LRRTM4: variants seen among roughly 807,000 people sequenced by gnomAD.
LRRTM4 encodes leucine-rich repeat transmembrane neuronal protein 4.
LRRTM4 carries 25 observed loss-of-function variants against 47.6 expected under a neutral mutation model. The ratio of observed to expected loss-of-function variants is 0.53; its 90% CI spans 0.38 to 0.73. The LOEUF (loss-of-function observed/expected upper bound fraction) is 0.73. LRRTM4 is among the 30% of genes least tolerant of loss of function. The pLI, the probability that LRRTM4 is intolerant of heterozygous loss-of-function variation, is 0.00. For missense variants in LRRTM4, 638 were observed against 713.4 expected (o/e 0.89, Z 1.20); for synonymous variants, 311 against 269.5 (o/e 1.15, Z -1.51).
intron 3 of LRRTM4, among the ~76,000 whole-genome samples, chr2:76,831,331 G>A (rs1193247680): frequency 2.0e-5 from 3 of 152,166 alleles, no homozygotes; most frequent in African/African-American, 7.2e-5. Flanking sequence ...TCATTGGTGT[G>A]TGTGCGTGTG....
intron 3 of LRRTM4, among the ~76,000 whole-genome samples, chr2:76,805,971 A>G (rs1675944471): frequency 6.6e-6 from 1 of 152,184 alleles, no homozygotes; most frequent in African/African-American, 2.4e-5. Flanking sequence ...AAGGACCACA[A>G]GAACCCTAGG....
intron 3 of LRRTM4, among the ~76,000 whole-genome samples, chr2:77,162,025 G>C (rs1031603445): frequency 4.6e-5 from 7 of 152,080 alleles, no homozygotes; most frequent in Admixed American, 2.0e-4. Context: ...ACTGAGGCTT[G>C]TCAGACAGTG....
Position 77,306,894 on chromosome 2 carries a change from CAT to C in LRRTM4, c.1551+211422_1551+211423del, listed in dbSNP as rs1491143898. 2.9e-3 allele frequency among the ~76,000 whole-genome samples: 390 copies of C among 133,204 alleles called. 6 individuals are homozygous for C. The highest frequency in any genetic ancestry group is 0.012 in the African/African-American group (355 of 29,208). The allele number at this position is 133,204 out of a possible 152,430, so 87.4% of individuals were successfully genotyped here. The stretch of plus-strand genomic sequence containing the variant: ...CTAAAATAGCTATATACTGCTTTTC[CAT>C]ATTTTTTTTTTTTTTTTTTTTGAGA... On this transcript the variant is annotated intron_variant, in intron 3 of 3. Transcript: ENST00000409884.
chr2:76,999,449 C>T (rs116502270), intron 3 of LRRTM4, among the ~76,000 whole-genome samples: 1 of 140,562 alleles, frequency 7.1e-6, no homozygotes, highest in Admixed American at 7.1e-5. Context: ...GGAAACAAAA[C>T]AAAAAAAAAA....
At chr2:77,083,526 C>T (rs892594496) in intron 3 of LRRTM4, among the ~76,000 whole-genome samples, 6 of 152,080 alleles carry the variant, frequency 3.9e-5, no homozygotes, top group African/African-American at 7.2e-5. Flanking sequence ...ATTAGCTACA[C>T]AGCAATGAAA....
At chr2:76,864,359 T>C (rs1218937808) in intron 3 of LRRTM4, among the ~76,000 whole-genome samples, 3 of 152,072 alleles carry the variant, frequency 2.0e-5, no homozygotes, top group Non-Finnish European at 4.4e-5. Context: ...TGTTAGGAAT[T>C]TTAAAGAAAT....
chr2:77,060,257 T>C (rs1381698012), intron 3 of LRRTM4, among the ~76,000 whole-genome samples: 3 of 152,194 alleles, frequency 2.0e-5, no homozygotes, highest in Admixed American at 6.5e-5. Flanking sequence ...ACTTAGATAG[T>C]TATTGATGAA....
In LRRTM4 at chr2:77,137,305, G is replaced by C. The variant is rs560068294; in HGVS notation, c.1551+381013C>G. Among the ~76,000 whole-genome samples the C allele has an allele frequency of 2.6e-5, 4 of 152,032 alleles. No individual in the cohort carries two copies. In the East Asian group the frequency reaches 7.7e-4, roughly 29 times the overall value. ...GCAGAAACTCTACAAGCCAGAAAGA[G>C]TGGGGGCCAATATTCAGCATTCTTA... On this transcript the variant is annotated intron_variant, in intron 3 of 3. Coordinates refer to ENST00000409884, the MANE Select transcript of LRRTM4 (RefSeq NM_001134745.3).
intron 3 of LRRTM4, among the ~76,000 whole-genome samples, chr2:77,292,096 A>G (rs1269837465): frequency 1.3e-5 from 2 of 152,078 alleles, no homozygotes; most frequent in African/African-American, 2.4e-5. Flanking sequence ...ACATGAAAAA[A>G]TGCTCACCAT....
intron 3 of LRRTM4, among the ~76,000 whole-genome samples, chr2:77,365,698 A>G (rs984838545): frequency 1.3e-5 from 2 of 151,522 alleles, no homozygotes; most frequent in African/African-American, 4.8e-5. Context: ...ATGGAATACT[A>G]TGATGCCATT....
At position 77,521,652 on chromosome 2, in the gene LRRTM4, A is replaced by G; in HGVS notation, c.4+16T>C. On this transcript the variant is annotated intron_variant, in intron 2 of 3. Coordinates refer to ENST00000409884, the MANE Select transcript of LRRTM4 (RefSeq NM_001134745.3). Reference sequence around the variant, plus strand: ...GATCAGCTTTGCTCAGAAGGAAACAACAAAAGTTCACTTACCCATCCTTTG... The same window carrying G: ...GATCAGCTTTGCTCAGAAGGAAACAGCAAAAGTTCACTTACCCATCCTTTG... The G allele has an allele frequency of 6.2e-7, 1 of 1,612,408 alleles. No individual in the cohort carries two copies. The highest frequency in any genetic ancestry group is 1.1e-5 in the South Asian group (1 of 91,022).
chr2:77,398,687 C>T (rs950495923), intron 3 of LRRTM4, among the ~76,000 whole-genome samples: 2 of 151,960 alleles, frequency 1.3e-5, no homozygotes, highest in East Asian at 1.9e-4. Context: ...ATCCACCTTA[C>T]AGCAGTAACT....
intron 3 of LRRTM4, among the ~76,000 whole-genome samples, chr2:77,484,426 T>A (rs1677834631): frequency 6.6e-6 from 1 of 152,252 alleles, no homozygotes; most frequent in South Asian, 2.1e-4. Context: ...TAGTGGTCTG[T>A]ATTTAAAGGA....
At chr2:76,975,088 A>C (rs1268605904) in intron 3 of LRRTM4, among the ~76,000 whole-genome samples, 3 of 151,772 alleles carry the variant, frequency 2.0e-5, no homozygotes, top group East Asian at 1.9e-4. Flanking sequence ...AAAAACAAAC[A>C]AACCAACAAA....
intron 3 of LRRTM4, among the ~76,000 whole-genome samples, chr2:77,431,420 A>G (rs1315974933): frequency 2.0e-5 from 3 of 148,588 alleles, no homozygotes; most frequent in East Asian, 3.9e-4. Flanking sequence ...TCTTAATACT[A>G]TCACATTCAG....
chr2:77,100,047 G>C (rs576109629), intron 3 of LRRTM4, among the ~76,000 whole-genome samples: 1 of 151,486 alleles, frequency 6.6e-6, no homozygotes, highest in Admixed American at 6.6e-5. Context: ...CTCATTTTTG[G>C]TGTCCTCTTG....
At chr2:77,254,951 C>A (rs189142141) in intron 3 of LRRTM4, among the ~76,000 whole-genome samples, 3 of 148,216 alleles carry the variant, frequency 2.0e-5, no homozygotes, top group African/African-American at 7.4e-5. Flanking sequence ...TAATTACATT[C>A]ATTAAACGTA....
At chr2:76,948,030 A>T (rs1254791352) in intron 3 of LRRTM4, among the ~76,000 whole-genome samples, 1 of 151,872 alleles carries the variant, frequency 6.6e-6, no homozygotes, top group African/African-American at 2.4e-5. Flanking sequence ...GCAGATCCTC[A>T]AACTATTTTC....
intron 3 of LRRTM4, among the ~76,000 whole-genome samples, chr2:77,511,054 A>G (rs538391004): frequency 1.3e-5 from 2 of 152,072 alleles, no homozygotes; most frequent in African/African-American, 4.8e-5. Flanking sequence ...AAACAAAGAG[A>G]TGGAAAACTA....
Sources: gnomAD v4.1 joint callset for allele counts (sites outside exome capture counted in the v4.1 genomes callset) on GRCh38, gnomAD v4.1.1 for gene constraint, MANE v1.5 for transcripts, NCBI Gene and HGNC (gene_info 2026-07-23, HGNC 2026-07-21) for gene names.